ZNF106: variants seen among roughly 807,000 people sequenced by gnomAD.
The protein encoded by ZNF106 is SH3-domain binding protein 3.
ZNF106 carries 67 observed loss-of-function variants against 195.1 expected under a neutral mutation model. The observed-to-expected ratio is 0.34, with a 90% CI of 0.28 to 0.42. The LOEUF (loss-of-function observed/expected upper bound fraction) is 0.42, where lower values mean the gene tolerates loss of function less well. ZNF106 is among the 10% of genes least tolerant of loss of function. The probability of loss-of-function intolerance (pLI) is 1.00; values close to 1 mark genes in which losing one functional copy is unlikely to be tolerated. For synonymous variants in ZNF106, 784 were observed against 818.6 expected (o/e 0.96, Z 0.72); for missense variants, 2,118 against 2,304.5 (o/e 0.92, Z 1.66).
intron 2 of ZNF106, among the ~76,000 whole-genome samples, chr15:42,468,068 C>CTTTTTTT (rs200457966): frequency 2.4e-4 from 25 of 102,128 alleles, no homozygotes; most frequent in African/African-American, 6.5e-4. Flanking sequence ...TTCAAAACGC[C>CTTTTTTT]TTTTTTTTTT....
chr15:42,472,952 G>A lies in ZNF106; in HGVS notation c.-32-631C>T, dbSNP rs143415266. On this transcript the variant is annotated intron_variant, in intron 1 of 21. Coordinates refer to ENST00000564754, the MANE Select transcript of ZNF106 (RefSeq NM_001366845.3). ...AACCCAAGAGCGGAGGTTGCAGTGA[G>A]CTGAGATTGCACCACGGCACTCCAG... Among the ~76,000 whole-genome samples the A allele has an allele frequency of 1.2e-3, 175 of 151,038 alleles. No homozygotes were observed. In the East Asian group the frequency reaches 0.03, roughly 26 times the overall value.
At position 42,435,424 on chromosome 15, in the gene ZNF106, G is replaced by C. The variant is rs2055237435; in HGVS notation, c.4841C>G (p.Thr1614Ser). 1.9e-6 allele frequency: 3 copies of C among 1,614,172 alleles called. No individual in the cohort carries two copies. Among genetic ancestry groups the C allele is most frequent in the South Asian group, 1.1e-5 (1 of 91,084 alleles). The change falls in exon 14 of 22, where the codon ACC becomes AGC. Residue 1614 changes from threonine to serine, a missense_variant. By Grantham distance (58) the Thr-to-Ser change is moderately conservative (BLOSUM62 1). Coordinates refer to ENST00000564754, the MANE Select transcript of ZNF106 (RefSeq NM_001366845.3). Reference sequence around the variant, plus strand: ...GCGGATGGTATGGTCACTGGACCCGGTGTAAAGGGCAGCATTCTTCCCGGA... The same window carrying C: ...GCGGATGGTATGGTCACTGGACCCGCTGTAAAGGGCAGCATTCTTCCCGGA... ...QTSGKNAALY[T>S]GSSDHTIRCY...
chr15:42,471,891 G>T (rs547170934), intron 2 of ZNF106, among the ~76,000 whole-genome samples: 12 of 152,308 alleles, frequency 7.9e-5, no homozygotes, highest in African/African-American at 2.6e-4. Flanking sequence ...AAAAGTACAT[G>T]ATTTTAAAAT....
intron 4 of ZNF106, among the ~76,000 whole-genome samples, chr15:42,456,268 T>G (rs1004156989): frequency 1.3e-5 from 2 of 152,240 alleles, no homozygotes; most frequent in African/African-American, 4.8e-5. Context: ...TACTATATAC[T>G]ATACGATTTA....
At chr15:42,433,831 CTTTTT>C (rs1270923675) in intron 14 of ZNF106, among the ~76,000 whole-genome samples, 1 of 151,956 alleles carries the variant, frequency 6.6e-6, no homozygotes, top group Non-Finnish European at 1.5e-5. Flanking sequence ...AATGTAAATT[CTTTTT>C]GTTTGTTTTG....
chr15:42,429,182 C>T (rs2054965583), intron 14 of ZNF106, among the ~76,000 whole-genome samples: 1 of 151,468 alleles, frequency 6.6e-6, no homozygotes, highest in Non-Finnish European at 1.5e-5. Context: ...TGGCTCATGC[C>T]TGTAATCCTA....
intron 1 of ZNF106, among the ~76,000 whole-genome samples, chr15:42,477,323 G>C (rs2056805625): frequency 6.6e-6 from 1 of 152,018 alleles, no homozygotes; most frequent in Admixed American, 6.6e-5. Context: ...TTCTCTGTAA[G>C]CACTGCTTCA....
intron 3 of ZNF106, among the ~76,000 whole-genome samples, chr15:42,461,744 A>T (rs1232589065): frequency 6.6e-6 from 1 of 152,266 alleles, no homozygotes; most frequent in East Asian, 1.9e-4. Flanking sequence ...AGACACAACT[A>T]TAAAGAGAAA....
At chr15:42,423,035 A>C (rs566917764) in intron 17 of ZNF106, among the ~76,000 whole-genome samples, 1 of 152,144 alleles carries the variant, frequency 6.6e-6, no homozygotes, top group Non-Finnish European at 1.5e-5. Context: ...ACCTGAGAAC[A>C]GTCTCTCAGC....
At chr15:42,424,668 T>A (rs1397019812) in intron 16 of ZNF106, 166 bp downstream of exon 16, 7 of 629,908 alleles carry the variant, frequency 1.1e-5, no homozygotes, top group Non-Finnish European at 1.6e-5. Context: ...TTTGTAGAGA[T>A]CGAGTTTTGC....
rs1445029248 is a variant in ZNF106, at chr15:42,448,662, C to A, written c.2545G>T (p.Ala849Ser). Residue 849 changes from alanine to serine, a missense_variant, in exon 6 of 22, where the codon GCC (alanine) becomes TCC (serine). Physicochemically the swap from Ala to Ser is moderately conservative, Grantham distance 99 (BLOSUM62 1). Coordinates refer to ENST00000564754, the MANE Select transcript of ZNF106 (RefSeq NM_001366845.3). ...MVPLVQNEQE[A>S]LDLDGEPDLS... ...TCAGGTTCCCCATCCAAATCTAAGGCTTCTTGTTCATTTTGAACAAGGGGT... is the reference window on the plus strand; with the variant it reads ...TCAGGTTCCCCATCCAAATCTAAGGATTCTTGTTCATTTTGAACAAGGGGT... 1 of 1,611,400 alleles carries A rather than the reference C, an allele frequency of 6.2e-7. No homozygotes were observed. The highest frequency in any genetic ancestry group is 2.2e-5 in the East Asian group (1 of 44,880).
intron 3 of ZNF106, among the ~76,000 whole-genome samples, chr15:42,460,218 A>G (rs113470983): frequency 0.059 from 9,047 of 152,154 alleles, 397 homozygotes; most frequent in South Asian, 0.15. Flanking sequence ...TTAAAATAAA[A>G]TCCATGATTT....
chr15:42,481,803 T>C (rs1400350052), intron 1 of ZNF106, among the ~76,000 whole-genome samples: 1 of 152,232 alleles, frequency 6.6e-6, no homozygotes, highest in Non-Finnish European at 1.5e-5. Context: ...ATTCTCTCCC[T>C]GTATCTAATG....
At chr15:42,422,731 TAATACAATTAATTGTATTAACTGTACA>T in intron 17 of ZNF106, 111 bp from the exon 18 acceptor site, 1 of 1,080,504 alleles carries the variant, frequency 9.3e-7, no homozygotes, top group East Asian at 2.7e-5. Context: ...CACATATAAT[TAATACAATTAATTGTATTAACTGTACA>T]AATACAGTTA....
At chr15:42,487,782 A>C (rs76345070) in intron 1 of ZNF106, among the ~76,000 whole-genome samples, 1 of 152,300 alleles carries the variant, frequency 6.6e-6, no homozygotes, top group African/African-American at 2.4e-5. Context: ...CCATTAAACA[A>C]TAACTCATTT....
chr15:42,449,865 G>A lies in ZNF106; in HGVS notation c.2407C>T (p.Gln803Ter). The A allele has an allele frequency of 6.2e-7, 1 of 1,614,162 alleles. No homozygotes were observed. Among genetic ancestry groups the A allele is most frequent in the Non-Finnish European group, 8.5e-7 (1 of 1,180,016 alleles). Residue 803 changes from glutamine (Q) to a stop codon, truncating the protein, a stop_gained, in exon 5 of 22, where the codon CAG (glutamine) becomes TAG (stop). Coordinates refer to ENST00000564754, the MANE Select transcript of ZNF106 (RefSeq NM_001366845.3). LOFTEE classifies it high-confidence loss of function. ...TTTCTCCGAGATGCATTTAGAATCT[G>A]CCGTAGGGTTGGCTTGAGCCCAGAC... The part of the protein sequence containing the change: ...KESGLKPTLR[Q>*]ILNASRRNVN...
chr15:42,448,810 G>C (rs151093904), intron 5 of ZNF106, 105 bp from the exon 6 acceptor site: 1 of 1,222,640 alleles, frequency 8.2e-7, no homozygotes, highest in Non-Finnish European at 1.1e-6. Flanking sequence ...GTTATAAAAA[G>C]TAAGGTGGCT....
intron 10 of ZNF106, among the ~76,000 whole-genome samples, chr15:42,441,001 AT>A (rs2055504552): frequency 0.013 from 212 of 16,222 alleles, no homozygotes; most frequent in Non-Finnish European, 0.027. Context: ...AAAAAAAAAT[AT>A]ATATATATAT....
intron 14 of ZNF106, 91 bp from the exon 15 acceptor site, chr15:42,428,225 CT>C: frequency 4.0e-6 from 4 of 991,194 alleles, no homozygotes; most frequent in Non-Finnish European, 6.1e-6. Flanking sequence ...TTTAAAATGA[CT>C]CTTATGCGGA....
Sources: allele counts gnomAD v4.1 joint callset (sites outside exome capture counted in the v4.1 genomes callset), GRCh38; gene constraint gnomAD v4.1.1; transcripts MANE v1.5; gene names NCBI Gene and HGNC (gene_info 2026-07-23, HGNC 2026-07-21).